Variants in TSHZ2 observed in about 807,000 individuals in gnomAD.
The protein encoded by TSHZ2 is teashirt homolog 2.
A neutral mutation model predicts 74.4 loss-of-function variants in TSHZ2; 21 were observed. The observed-to-expected ratio is 0.28, with a 90% CI of 0.20 to 0.41. The LOEUF (loss-of-function observed/expected upper bound fraction) is 0.41, where lower values mean the gene tolerates loss of function less well. TSHZ2 is among the 10% of genes least tolerant of loss of function. The probability of loss-of-function intolerance (pLI) is 1.00; values close to 1 mark genes in which losing one functional copy is unlikely to be tolerated. For missense variants in TSHZ2, 1,244 were observed against 1,293.5 expected, an observed-to-expected ratio of 0.96 and a Z score of 0.59; for synonymous variants, 540 against 515.3, an observed-to-expected ratio of 1.05 and a Z score of -0.65.
chr20:53,044,868 C>T (rs1355528511), intron 1 of TSHZ2, among the ~76,000 whole-genome samples: 1 of 152,120 alleles, frequency 6.6e-6, no homozygotes, highest in South Asian at 2.1e-4. Flanking sequence ...CACCACCATG[C>T]CCGGCTAATT....
chr20:53,434,579 C>T (rs942493799), intron 2 of TSHZ2, among the ~76,000 whole-genome samples: 1 of 152,136 alleles, frequency 6.6e-6, no homozygotes, highest in African/African-American at 2.4e-5. Context: ...TTGAGTTGTC[C>T]GTTAGGGGGA....
intron 2 of TSHZ2, among the ~76,000 whole-genome samples, chr20:53,313,098 A>G (rs950576673): frequency 1.4e-4 from 21 of 152,356 alleles, no homozygotes; most frequent in Non-Finnish European, 2.4e-4. Flanking sequence ...AGTGCACTTA[A>G]GCTCAGATTT....
chr20:53,384,860 C>T (rs541311494), intron 2 of TSHZ2, among the ~76,000 whole-genome samples: 186 of 152,200 alleles, frequency 1.2e-3, no homozygotes, highest in Non-Finnish European at 2.1e-3. Flanking sequence ...CGGTGGCTCA[C>T]GCCTGTAATC....
At chr20:53,284,489 T>G (rs1378133187) in intron 2 of TSHZ2, among the ~76,000 whole-genome samples, 1 of 152,210 alleles carries the variant, frequency 6.6e-6, no homozygotes, top group Non-Finnish European at 1.5e-5. Context: ...GTATGCTTCT[T>G]GCTTGCATTG....
chr20:53,020,970 G>A (rs1285801692), intron 1 of TSHZ2, among the ~76,000 whole-genome samples: 1 of 152,134 alleles, frequency 6.6e-6, no homozygotes, highest in Non-Finnish European at 1.5e-5. Context: ...CTATATTAAT[G>A]TCTACCTTTT....
At chr20:53,310,569 T>C (rs1978738449) in intron 2 of TSHZ2, among the ~76,000 whole-genome samples, 1 of 152,204 alleles carries the variant, frequency 6.6e-6, no homozygotes, top group Non-Finnish European at 1.5e-5. Flanking sequence ...CATCAGAGGT[T>C]TGACTGGGGA....
intron 1 of TSHZ2, among the ~76,000 whole-genome samples, chr20:53,130,544 A>G (rs1987074716): frequency 6.6e-6 from 1 of 152,196 alleles, no homozygotes; most frequent in Non-Finnish European, 1.5e-5. Context: ...GAGAATTGCT[A>G]GAGCCCGGAG....
intron 1 of TSHZ2, among the ~76,000 whole-genome samples, chr20:52,987,330 G>A (rs559937434): frequency 1.3e-5 from 2 of 152,288 alleles, no homozygotes; most frequent in East Asian, 1.9e-4. Flanking sequence ...TTCCATAGGA[G>A]GGGAATGAGG....
chr20:53,323,410 G>GAATGA (rs1979352054), intron 2 of TSHZ2, among the ~76,000 whole-genome samples: 11 of 150,762 alleles, frequency 7.3e-5, no homozygotes, highest in Admixed American at 4.0e-4. Context: ...ATACTTGTTT[G>GAATGA]ATGAATGAAT....
chr20:53,182,659 C>T (rs1264454291), intron 1 of TSHZ2, among the ~76,000 whole-genome samples: 1 of 152,230 alleles, frequency 6.6e-6, no homozygotes, highest in Non-Finnish European at 1.5e-5. Context: ...ATCTGAACTT[C>T]TCTCTTTCCC....
chr20:53,246,419 G>A (rs964206264), intron 1 of TSHZ2, among the ~76,000 whole-genome samples: 1 of 152,156 alleles, frequency 6.6e-6, no homozygotes, highest in African/African-American at 2.4e-5. Flanking sequence ...GTCCAGTCTA[G>A]CTGAGTATAC....
intron 2 of TSHZ2, among the ~76,000 whole-genome samples, chr20:53,395,107 T>C (rs1982401891): frequency 6.6e-6 from 1 of 152,028 alleles, no homozygotes; most frequent in African/African-American, 2.4e-5. Context: ...AAATCAAAGG[T>C]GAAATGATAA....
intron 1 of TSHZ2, among the ~76,000 whole-genome samples, chr20:53,234,996 G>A (rs1172828494): frequency 6.6e-6 from 1 of 152,018 alleles, no homozygotes; most frequent in Non-Finnish European, 1.5e-5. Flanking sequence ...AGTCAAGGTG[G>A]CATGAGAGGT....
intron 2 of TSHZ2, among the ~76,000 whole-genome samples, chr20:53,288,116 G>A (rs1568853099): frequency 6.6e-6 from 1 of 151,962 alleles, no homozygotes; most frequent in African/African-American, 2.4e-5. Context: ...CTAGTTACCG[G>A]TAGGCCAGGT....
At chr20:53,438,448 G>A (rs577840222) in intron 2 of TSHZ2, among the ~76,000 whole-genome samples, 20 of 152,194 alleles carry the variant, frequency 1.3e-4, no homozygotes, top group African/African-American at 4.8e-4. Context: ...GCCCCAAGTT[G>A]AGCCGTCATA....
At chr20:53,150,417 A>G (rs1258054121) in intron 1 of TSHZ2, among the ~76,000 whole-genome samples, 1 of 152,242 alleles carries the variant, frequency 6.6e-6, no homozygotes, top group Non-Finnish European at 1.5e-5. Context: ...ACCTGTTTTT[A>G]TATAGCTGGC....
chr20:53,026,522 C>T (rs1983451489), intron 1 of TSHZ2, among the ~76,000 whole-genome samples: 1 of 151,902 alleles, frequency 6.6e-6, no homozygotes, highest in Admixed American at 6.6e-5. Context: ...CAGCTAATCT[C>T]TCATATTCTT....
intron 1 of TSHZ2, among the ~76,000 whole-genome samples, chr20:52,981,014 A>G (rs1981546267): frequency 6.6e-6 from 1 of 152,218 alleles, no homozygotes; most frequent in Non-Finnish European, 1.5e-5. Flanking sequence ...TTCTATGTGC[A>G]CGGTGCCATT....
At chr20:53,055,823 TAA>T (rs1410121741) in intron 1 of TSHZ2, among the ~76,000 whole-genome samples, 2 of 152,322 alleles carry the variant, frequency 1.3e-5, no homozygotes, top group Non-Finnish European at 2.9e-5. Flanking sequence ...GCTTTGTAAA[TAA>T]AGTTTTATTG....
Sources: allele counts gnomAD v4.1 joint callset (sites outside exome capture counted in the v4.1 genomes callset), GRCh38; gene constraint gnomAD v4.1.1; transcripts MANE v1.5; gene names NCBI Gene and HGNC (gene_info 2026-07-23, HGNC 2026-07-21).